Variants in CCDC102B observed in about 807,000 individuals in gnomAD.
CCDC102B encodes coiled-coil domain containing 102B, also known as coiled-coil domain-containing protein 102B.
In CCDC102B, 75 loss-of-function variants were observed where a neutral mutation model predicts 57.4. That is an observed-to-expected ratio of 1.31 (90% CI 1.08 to 1.58). The LOEUF (loss-of-function observed/expected upper bound fraction) is 1.58. CCDC102B is among the 40% of genes most tolerant of loss of function. The pLI is 0.00. For missense variants in CCDC102B, 636 were observed against 582.6 expected (o/e 1.09, Z -0.94); for synonymous variants, 206 against 201.9 (o/e 1.02, Z -0.17).
chr18:68,994,572 G>C (rs2050966105), intron 6 of CCDC102B, among the ~76,000 whole-genome samples: 1 of 151,994 alleles, frequency 6.6e-6, no homozygotes, highest in Non-Finnish European at 1.5e-5. Context: ...TGAATCATGG[G>C]AGTGTTTTCG....
At chr18:69,012,930 T>C (rs7241146) in intron 7 of CCDC102B, among the ~76,000 whole-genome samples, 150,696 of 152,310 alleles carry the variant, frequency 0.99, 74,578 homozygotes, top group East Asian at 1. Context: ...TGCTCCAATA[T>C]AAGAACAAGC....
chr18:68,880,133 C>G lies in CCDC102B; in HGVS notation c.1053+5348C>G, dbSNP rs142004223. Among the ~76,000 whole-genome samples, 1,254 of 152,316 alleles carry G rather than the reference C, an allele frequency of 8.2e-3. 16 individuals carry two copies. Among genetic ancestry groups the G allele is most frequent in the African/African-American group, 0.029 (1,204 of 41,568 alleles). ...GCATGGCGGGCTGCAGGTCCCGAGC[C>G]CTGCCCCGCCCAAGGCAGCTAAGGC... On this transcript the variant is annotated intron_variant, in intron 5 of 7. Coordinates refer to ENST00000360242, the MANE Select transcript of CCDC102B (RefSeq NM_024781.3).
At chr18:68,908,150 A>G (rs1360688989) in intron 6 of CCDC102B, 2 of 152,088 alleles carry the variant, frequency 1.3e-5, no homozygotes, top group African/African-American at 4.8e-5. Context: ...TCACAGTGTA[A>G]ATTTTTCTTA....
intron 6 of CCDC102B, among the ~76,000 whole-genome samples, chr18:68,999,013 G>T (rs1394967794): frequency 1.5e-4 from 21 of 141,440 alleles, no homozygotes; most frequent in East Asian, 1.0e-3. Context: ...GAGAGAGAGA[G>T]AGAGAGAGAG....
chr18:68,841,764 G>T (rs532167177), intron 3 of CCDC102B, among the ~76,000 whole-genome samples: 5 of 151,384 alleles, frequency 3.3e-5, no homozygotes, highest in South Asian at 4.2e-4. Flanking sequence ...AGACAGTCTC[G>T]CTCTGTTGCC....
intron 6 of CCDC102B, among the ~76,000 whole-genome samples, chr18:68,900,769 A>AG (rs1421140402): frequency 6.3e-4 from 96 of 152,320 alleles, no homozygotes; most frequent in Non-Finnish European, 1.2e-3. Flanking sequence ...ACATTAAAAG[A>AG]ACACATATCA....
intron 7 of CCDC102B, among the ~76,000 whole-genome samples, chr18:69,011,883 A>C (rs553734397): frequency 6.6e-6 from 1 of 152,150 alleles, no homozygotes; most frequent in African/African-American, 2.4e-5. Context: ...AAGCAGCTGA[A>C]TTATTTTTCC....
rs187056243 is a variant in CCDC102B at position 68,815,786 on chromosome 18, T to A, written c.-16+17605T>A. On this transcript the variant is annotated intron_variant, in intron 1 of 7. Transcript: ENST00000360242. ...TAGATATAAGATGTATGTATTTTTT[T>A]AAAAATCTGGATCATGTAGTTCATG... Among the ~76,000 whole-genome samples, 70 of 152,244 alleles carry A rather than the reference T, an allele frequency of 4.6e-4. 1 individual carries two copies. The East Asian group carries it at 6.2e-3, about 13-fold the overall frequency.
rs73458016 is a variant in CCDC102B, at chr18:68,809,476, G to A, written c.-16+11295G>A. ...ATAAAAACCTAATGAAAATTATAAT[G>A]TTCAGAGCAATTTGTTTTTAATCAT... On this transcript the variant is annotated intron_variant, in intron 1 of 7. Transcript: ENST00000360242. Among the ~76,000 whole-genome samples the A allele has an allele frequency of 7.3e-3, 1,106 of 152,216 alleles. 12 individuals are homozygous for A. Among genetic ancestry groups the A allele is most frequent in the African/African-American group, 0.025 (1,042 of 41,548 alleles).
intron 2 of CCDC102B, among the ~76,000 whole-genome samples, chr18:68,765,969 T>G (rs1377685046): frequency 6.6e-6 from 1 of 152,104 alleles, no homozygotes; most frequent in Non-Finnish European, 1.5e-5. Flanking sequence ...AGTTTTGGCT[T>G]GTTAGGAAAG....
At chr18:68,857,636 A>G (rs1392123631) in intron 4 of CCDC102B, among the ~76,000 whole-genome samples, 6 of 151,622 alleles carry the variant, frequency 4.0e-5, no homozygotes, top group African/African-American at 1.2e-4. Context: ...GTATATGTGT[A>G]CATATAACTA....
chr18:68,905,898 G>A lies in CCDC102B; in HGVS notation c.1263+8470G>A, dbSNP rs200077399. On this transcript the variant is annotated intron_variant, in intron 6 of 7. Transcript: ENST00000360242. ...AAGCTCCGCCTCCCGGGTTCACGCC[G>A]TTCTCCTGCCTCAGCCTCCCAGGTA... Among the ~76,000 whole-genome samples, 464 of 140,718 alleles carry A rather than the reference G, an allele frequency of 3.3e-3. 2 individuals carry two copies. Among genetic ancestry groups the A allele is most frequent in the African/African-American group, 6.1e-3 (230 of 37,442 alleles). 92.3% of individuals were successfully genotyped at this position (140,718 alleles called of 152,430 possible). A position where few individuals can be genotyped will look rare whatever the true frequency, so the allele number is the denominator to read the frequency against.
chr18:68,942,661 G>A (rs2049411470), intron 6 of CCDC102B, among the ~76,000 whole-genome samples: 1 of 151,988 alleles, frequency 6.6e-6, no homozygotes, highest in Non-Finnish European at 1.5e-5. Flanking sequence ...CAGCCCTAAG[G>A]CGGTTTTCTC....
intron 2 of CCDC102B, among the ~76,000 whole-genome samples, chr18:68,768,833 C>T (rs1198882144): frequency 6.6e-6 from 1 of 152,020 alleles, no homozygotes; most frequent in African/African-American, 2.4e-5. Context: ...AAGTAGCTTT[C>T]AGGCTGATGA....
intron 6 of CCDC102B, among the ~76,000 whole-genome samples, chr18:69,009,645 C>T (rs1260691406): frequency 1.3e-5 from 2 of 151,830 alleles, no homozygotes; most frequent in African/African-American, 4.8e-5. Context: ...ATTTATTTTC[C>T]AATATTTTAT....
intron 6 of CCDC102B, among the ~76,000 whole-genome samples, chr18:69,009,880 A>T (rs181185213): frequency 1.8e-4 from 25 of 139,524 alleles, no homozygotes; most frequent in African/African-American, 6.3e-4. Flanking sequence ...TTATAACATT[A>T]TGAAGAACCA....
At chr18:68,897,851 G>A (rs998367070) in intron 6 of CCDC102B, 2 of 225,226 alleles carry the variant, frequency 8.9e-6, no homozygotes, top group Non-Finnish European at 1.8e-5. Context: ...TTTAAATTTA[G>A]CTGAAACTCA....
intron 6 of CCDC102B, among the ~76,000 whole-genome samples, chr18:69,002,006 A>G (rs369160233): frequency 2.0e-5 from 3 of 152,280 alleles, no homozygotes; most frequent in South Asian, 2.1e-4. Context: ...TTTAGTAAGT[A>G]TGTTTTCCTG....
chr18:68,732,895 A>G (rs904622933), intron 2 of CCDC102B, among the ~76,000 whole-genome samples: 1 of 152,136 alleles, frequency 6.6e-6, no homozygotes, highest in Non-Finnish European at 1.5e-5. Flanking sequence ...ACAAGTGTGG[A>G]GCTCCCTTCC....
Sources: gnomAD v4.1 joint callset for allele counts (sites outside exome capture counted in the v4.1 genomes callset) on GRCh38, gnomAD v4.1.1 for gene constraint, MANE v1.5 for transcripts, NCBI Gene and HGNC (gene_info 2026-07-23, HGNC 2026-07-21) for gene names.